Variants in MARCHF1 observed in about 807,000 individuals in gnomAD.
MARCHF1 encodes E3 ubiquitin-protein ligase MARCHF1.
MARCHF1 carries 40 observed loss-of-function variants against 54.2 expected under a neutral mutation model. The observed-to-expected ratio is 0.74, with a 90% confidence interval of 0.57 to 0.96. The LOEUF is 0.96. MARCHF1 is among the 40% of genes least tolerant of loss of function. The pLI, the probability that MARCHF1 is intolerant of heterozygous loss-of-function variation, is 0.00. For missense variants in MARCHF1, 586 were observed against 656.5 expected, an observed-to-expected ratio of 0.89 and a Z score of 1.17; for synonymous variants, 236 against 236.3, an observed-to-expected ratio of 1.00 and a Z score of 0.01.
intron 2 of MARCHF1, among the ~76,000 whole-genome samples, chr4:164,041,462 A>G (rs1482171407): frequency 2.0e-5 from 3 of 152,166 alleles, no homozygotes; most frequent in Non-Finnish European, 2.9e-5. Context: ...CAAAATACTA[A>G]CATAGTGATT....
At chr4:163,562,291 G>A (rs887723827) in intron 8 of MARCHF1, among the ~76,000 whole-genome samples, 2 of 138,352 alleles carry the variant, frequency 1.4e-5, no homozygotes, top group African/African-American at 2.8e-5. Flanking sequence ...GCCAGACTCT[G>A]TCTCAAAAAC....
chr4:163,894,590 A>G lies in MARCHF1; in HGVS notation c.-38-40421T>C, dbSNP rs892969185. ...ATATATATGCATGTGATGCATATATATATATGCATGTGATGCATATATATA... is the reference window on the plus strand; with the variant it reads ...ATATATATGCATGTGATGCATATATGTATATGCATGTGATGCATATATATA... On this transcript the variant is annotated intron_variant, in intron 3 of 9. Transcript: ENST00000514618. Among the ~76,000 whole-genome samples, 33 of 67,348 alleles carry G rather than the reference A, an allele frequency of 4.9e-4. 3 individuals are homozygous for G. The highest frequency in any genetic ancestry group is 1.6e-3 in the South Asian group (3 of 1,848). The allele number at this position is 67,348 out of a possible 152,430, so 44.2% of individuals were successfully genotyped here. A position where few individuals can be genotyped will look rare whatever the true frequency, so the allele number is the denominator to read the frequency against.
chr4:163,744,824 G>T (rs1746309794), intron 4 of MARCHF1, among the ~76,000 whole-genome samples: 1 of 151,786 alleles, frequency 6.6e-6, no homozygotes, highest in Admixed American at 6.6e-5. Flanking sequence ...CAGTAAAATT[G>T]AAAATAAAAT....
At chr4:164,014,203 AAAGTAAAGAGAG>A (rs1753488833) in intron 2 of MARCHF1, among the ~76,000 whole-genome samples, 3 of 151,746 alleles carry the variant, frequency 2.0e-5, no homozygotes, top group African/African-American at 4.8e-5. Context: ...AAAAAAAAAA[AAAGTAAAGAGAG>A]AAAGCAGAAA....
chr4:164,084,907 T>G (rs143934885), intron 2 of MARCHF1, among the ~76,000 whole-genome samples: 2 of 151,868 alleles, frequency 1.3e-5, no homozygotes, highest in African/African-American at 4.8e-5. Flanking sequence ...AAGCTGATGA[T>G]TTTTTTAAAA....
chr4:164,129,123 G>A (rs1443527102), intron 1 of MARCHF1, among the ~76,000 whole-genome samples: 1 of 152,210 alleles, frequency 6.6e-6, no homozygotes, highest in East Asian at 1.9e-4. Context: ...TTGGAGAAAT[G>A]ATGGAGAAGC....
intron 1 of MARCHF1, among the ~76,000 whole-genome samples, chr4:164,281,489 G>C (rs1242888187): frequency 2.0e-5 from 3 of 152,132 alleles, no homozygotes; most frequent in Non-Finnish European, 2.9e-5. Context: ...GTTGAATCAT[G>C]AGAGATAAGT....
intron 8 of MARCHF1, among the ~76,000 whole-genome samples, chr4:163,553,018 G>A (rs1439033133): frequency 7.2e-6 from 1 of 138,060 alleles, no homozygotes; most frequent in Non-Finnish European, 1.5e-5. Context: ...GGGCGACAGA[G>A]CGAGACTCCG....
intron 2 of MARCHF1, among the ~76,000 whole-genome samples, chr4:164,011,863 C>G (rs1044268812): frequency 1.3e-5 from 2 of 152,140 alleles, no homozygotes; most frequent in African/African-American, 4.8e-5. Flanking sequence ...CCTCACCTAC[C>G]CTAACTCCAG....
intron 1 of MARCHF1, among the ~76,000 whole-genome samples, chr4:164,378,892 T>C (rs866595837): frequency 3.3e-5 from 5 of 152,042 alleles, no homozygotes; most frequent in South Asian, 2.1e-4. Context: ...TTTGTATTTT[T>C]AGTAGAGATG....
intron 4 of MARCHF1, among the ~76,000 whole-genome samples, chr4:163,811,678 TA>T (rs1423056507): frequency 6.6e-6 from 1 of 152,172 alleles, no homozygotes; most frequent in East Asian, 1.9e-4. Context: ...ACAATTTTAT[TA>T]GAAAAAAGTA....
intron 1 of MARCHF1, among the ~76,000 whole-genome samples, chr4:164,204,366 T>G (rs1369798278): frequency 6.6e-6 from 1 of 152,194 alleles, no homozygotes; most frequent in Non-Finnish European, 1.5e-5. Context: ...AGTAATGTTT[T>G]CCTTCAGATT....
At chr4:164,272,453 T>C (rs989295367) in intron 1 of MARCHF1, among the ~76,000 whole-genome samples, 4 of 152,134 alleles carry the variant, frequency 2.6e-5, no homozygotes, top group African/African-American at 9.6e-5. Flanking sequence ...CAACTATTAC[T>C]GTACATATGA....
At chr4:163,699,835 T>G (rs1744750004) in intron 5 of MARCHF1, among the ~76,000 whole-genome samples, 1 of 152,044 alleles carries the variant, frequency 6.6e-6, no homozygotes, top group Non-Finnish European at 1.5e-5. Context: ...TGGCGACTCA[T>G]TTTAAAGAAT....
At chr4:163,929,932 AT>A (rs1158657367) in intron 3 of MARCHF1, among the ~76,000 whole-genome samples, 4 of 74,542 alleles carry the variant, frequency 5.4e-5, no homozygotes, top group Admixed American at 2.4e-4. Context: ...TATATAATAT[AT>A]TATATATTTA....
chr4:163,768,599 A>AT (rs979242045), intron 4 of MARCHF1, among the ~76,000 whole-genome samples: 5 of 152,072 alleles, frequency 3.3e-5, no homozygotes, highest in South Asian at 2.1e-4. Context: ...GCAGCTTCTG[A>AT]TTTTTTTTAT....
chr4:163,888,316 C>G (rs1351696748), intron 3 of MARCHF1, among the ~76,000 whole-genome samples: 1 of 152,032 alleles, frequency 6.6e-6, no homozygotes, highest in Non-Finnish European at 1.5e-5. Flanking sequence ...AACACAGGCA[C>G]AGGGTAGAGA....
intron 1 of MARCHF1, among the ~76,000 whole-genome samples, chr4:164,289,350 G>A (rs911756190): frequency 5.3e-5 from 8 of 151,938 alleles, no homozygotes. Flanking sequence ...TTAGTATTCC[G>A]TGATTTTATA....
intron 1 of MARCHF1, chr4:164,197,324 T>C (rs556240787): frequency 3.1e-5 from 50 of 1,612,140 alleles, no homozygotes; most frequent in Non-Finnish European, 4.2e-5. Context: ...TTGAACACGT[T>C]TTCTCCGTAG....
Sources: gnomAD v4.1 joint callset for allele counts (sites outside exome capture counted in the v4.1 genomes callset) on GRCh38, gnomAD v4.1.1 for gene constraint, MANE v1.5 for transcripts, NCBI Gene and HGNC (gene_info 2026-07-23, HGNC 2026-07-21) for gene names.